The following MMP26 variants were observed in gnomAD, a reference collection of about 807,000 sequenced individuals.
MMP26 encodes matrix metalloproteinase-26.
In MMP26, 33 loss-of-function variants were observed where a neutral mutation model predicts 31.0. That is an observed-to-expected ratio of 1.06 (90% CI 0.81 to 1.42). The LOEUF is 1.42. Ranked by LOEUF, MMP26 falls within the 40% of genes most tolerant of loss-of-function variation. The pLI, the probability that MMP26 is intolerant of heterozygous loss-of-function variation, is 0.00. For synonymous variants in MMP26, 122 were observed against 114.9 expected (o/e 1.06, Z -0.40); for missense variants, 347 against 316.1 (o/e 1.10, Z -0.74).
chr11:4,803,527 A>C (rs775743842), intron 2 of MMP26: 1 of 1,614,136 alleles, frequency 6.2e-7, no homozygotes, highest in Non-Finnish European at 8.5e-7. Flanking sequence ...GGGAGGTATC[A>C]GTAGATAGAG....
intron 2 of MMP26, chr11:4,786,759 A>G (rs144318766): frequency 0.01 from 1,599 of 152,520 alleles, 25 homozygotes; most frequent in African/African-American, 0.027. Flanking sequence ...TCACCATGCC[A>G]CACCTCAGCA....
intron 2 of MMP26, among the ~76,000 whole-genome samples, chr11:4,796,384 A>G (rs1393547228): frequency 1.3e-5 from 2 of 152,208 alleles, no homozygotes; most frequent in East Asian, 1.9e-4. Context: ...CATGAAGTCA[A>G]TATATTACTT....
intron 2 of MMP26, chr11:4,803,999 C>A (rs1290094974): frequency 6.2e-7 from 1 of 1,613,804 alleles, no homozygotes; most frequent in Admixed American, 1.7e-5. Flanking sequence ...AAGCAGATAG[C>A]CACGTAGCAG....
At chr11:4,935,343 G>A (rs950698101) in intron 2 of MMP26, among the ~76,000 whole-genome samples, 7 of 151,774 alleles carry the variant, frequency 4.6e-5, no homozygotes, top group African/African-American at 9.7e-5. Context: ...AAGCAATTGC[G>A]AATGGGAGTT....
At chr11:4,969,627 C>T (rs1205049872) in intron 2 of MMP26, among the ~76,000 whole-genome samples, 1 of 152,004 alleles carries the variant, frequency 6.6e-6, no homozygotes, top group Non-Finnish European at 1.5e-5. Flanking sequence ...GCTTGACATA[C>T]ATAAAGTATT....
At chr11:4,931,663 A>G (rs1851348979) in intron 2 of MMP26, among the ~76,000 whole-genome samples, 1 of 152,088 alleles carries the variant, frequency 6.6e-6, no homozygotes, top group South Asian at 2.1e-4. Context: ...GAGAGTAGCT[A>G]TTAGCAAGGA....
At chr11:4,985,175 TTAGTCAGA>T (rs1311665509) in intron 2 of MMP26, among the ~76,000 whole-genome samples, 9 of 106,616 alleles carry the variant, frequency 8.4e-5, no homozygotes, top group Non-Finnish European at 2.3e-5. Flanking sequence ...GACTTAAAAC[TTAGTCAGA>T]TATAGATGTA....
intron 2 of MMP26, among the ~76,000 whole-genome samples, chr11:4,959,710 T>C (rs1237891007): frequency 6.6e-6 from 1 of 152,182 alleles, no homozygotes; most frequent in Admixed American, 6.5e-5. Flanking sequence ...TATTTTCTTT[T>C]CTTGTCCTCT....
At chr11:4,754,910 T>C (rs1848487836) in intron 1 of MMP26, among the ~76,000 whole-genome samples, 1 of 151,998 alleles carries the variant, frequency 6.6e-6, no homozygotes, top group Admixed American at 6.6e-5. Context: ...CTAAATTCAG[T>C]CTTCTTCACA....
At chr11:4,915,469 A>G (rs757360239) in intron 2 of MMP26, 1 of 1,614,122 alleles carries the variant, frequency 6.2e-7, no homozygotes, top group Admixed American at 1.7e-5. Context: ...ACAGGAAGAG[A>G]TACATAGGTT....
intron 2 of MMP26, chr11:4,944,155 G>C: frequency 2.2e-6 from 1 of 453,040 alleles, no homozygotes; most frequent in South Asian, 1.6e-5. Flanking sequence ...CTCAAACATA[G>C]GAACAGTTCT....
chr11:4,735,888 A>G (rs1053098517), intron 1 of MMP26, among the ~76,000 whole-genome samples: 2 of 152,278 alleles, frequency 1.3e-5, no homozygotes, highest in South Asian at 4.1e-4. Context: ...CTCATGAAGA[A>G]AGTGCTCATT....
intron 2 of MMP26, among the ~76,000 whole-genome samples, chr11:4,986,931 CCCT>C (rs1846902449): frequency 7.9e-5 from 7 of 88,836 alleles, no homozygotes; most frequent in African/African-American, 3.1e-4. Flanking sequence ...CTCTCTCTCT[CCCT>C]CTCTCTCTCT....
At chr11:4,914,627 A>G (rs1851045028) in intron 2 of MMP26, 1 of 844,392 alleles carries the variant, frequency 1.2e-6, no homozygotes, top group Non-Finnish European at 1.9e-6. Context: ...GAGTAAGTAA[A>G]TGTCTCCTTT....
At chr11:4,713,063 A>G (rs765471445) in intron 1 of MMP26, among the ~76,000 whole-genome samples, 2 of 152,036 alleles carry the variant, frequency 1.3e-5, no homozygotes, top group Non-Finnish European at 2.9e-5. Flanking sequence ...TGACATTTCT[A>G]TAAACGGATA....
At chr11:4,978,584 A>G (rs1158144682) in intron 2 of MMP26, among the ~76,000 whole-genome samples, 1 of 152,120 alleles carries the variant, frequency 6.6e-6, no homozygotes, top group Non-Finnish European at 1.5e-5. Context: ...AGTAATGACA[A>G]CACTGTTTTT....
At chr11:4,812,897 T>C (rs1849368467) in intron 2 of MMP26, among the ~76,000 whole-genome samples, 1 of 152,086 alleles carries the variant, frequency 6.6e-6, no homozygotes, top group South Asian at 2.1e-4. Context: ...GCTTCTGGGC[T>C]TAACTTTTTC....
At chr11:4,924,233 A>T (rs779395135) in intron 2 of MMP26, 1 of 1,614,234 alleles carries the variant, frequency 6.2e-7, no homozygotes, top group Non-Finnish European at 8.5e-7. Context: ...TGTCAGGTAG[A>T]TGAAGCAGAA....
At chr11:4,983,110 T>C (rs1289837499) in intron 2 of MMP26, among the ~76,000 whole-genome samples, 1 of 152,216 alleles carries the variant, frequency 6.6e-6, no homozygotes, top group African/African-American at 2.4e-5. Context: ...AATATGCCAT[T>C]CTCTCAGTTG....
Sources: gnomAD v4.1 joint callset for allele counts (sites outside exome capture counted in the v4.1 genomes callset) on GRCh38, gnomAD v4.1.1 for gene constraint, MANE v1.5 for transcripts, NCBI Gene and HGNC (gene_info 2026-07-23, HGNC 2026-07-21) for gene names.